The following SGCZ variants were observed in gnomAD, a reference collection of about 807,000 sequenced individuals.
The protein encoded by SGCZ is sarcoglycan zeta.
In SGCZ, 40 loss-of-function variants were observed where a neutral mutation model predicts 41.3. The observed-to-expected ratio is 0.97, with a 90% CI of 0.75 to 1.26. The LOEUF is 1.26. SGCZ is among the 50% of genes most tolerant of loss of function. The pLI, the probability that SGCZ is intolerant of heterozygous loss-of-function variation, is 0.00. For missense variants in SGCZ, 552 were observed against 369.8 expected (o/e 1.49, Z -4.04); for synonymous variants, 206 against 137.5 (o/e 1.50, Z -3.49).
At chr8:14,172,886 G>A (rs1163316249) in intron 4 of SGCZ, among the ~76,000 whole-genome samples, 2 of 152,076 alleles carry the variant, frequency 1.3e-5, no homozygotes, top group Admixed American at 6.6e-5. Context: ...TACATGGACA[G>A]GATGATACCA....
At chr8:14,425,402 C>A (rs1799751854) in intron 2 of SGCZ, among the ~76,000 whole-genome samples, 1 of 152,058 alleles carries the variant, frequency 6.6e-6, no homozygotes, top group African/African-American at 2.4e-5. Context: ...AGGTGGATCA[C>A]CTGAGGTCAG....
At chr8:14,509,221 T>G (rs1205110497) in intron 2 of SGCZ, among the ~76,000 whole-genome samples, 1 of 152,174 alleles carries the variant, frequency 6.6e-6, no homozygotes, top group East Asian at 1.9e-4. Context: ...AGGAAATTGA[T>G]TATTTCCAAT....
chr8:14,263,713 G>T (rs56304123), intron 3 of SGCZ, among the ~76,000 whole-genome samples: 48,220 of 151,858 alleles, frequency 0.32, 7,916 homozygotes, highest in South Asian at 0.47. Flanking sequence ...CCTCACAAGA[G>T]CTTAAAATAC....
chr8:14,763,917 A>G (rs1219702035), intron 1 of SGCZ, among the ~76,000 whole-genome samples: 1 of 152,226 alleles, frequency 6.6e-6, no homozygotes, highest in Non-Finnish European at 1.5e-5. Flanking sequence ...GGAAACGAGA[A>G]GGAACTGTGT....
At chr8:14,545,764 A>G (rs1803607595) in intron 2 of SGCZ, among the ~76,000 whole-genome samples, 1 of 152,164 alleles carries the variant, frequency 6.6e-6, no homozygotes, top group Non-Finnish European at 1.5e-5. Context: ...TATCAAACCT[A>G]TCAACTAACA....
chr8:15,170,366 A>AT (rs1452196447), intron 1 of SGCZ, among the ~76,000 whole-genome samples: 1 of 151,878 alleles, frequency 6.6e-6, no homozygotes, highest in East Asian at 1.9e-4. Context: ...CCAAAGATAT[A>AT]AAAAAAAAAG....
At chr8:14,788,310 C>A (rs1229893710) in intron 1 of SGCZ, among the ~76,000 whole-genome samples, 8 of 152,114 alleles carry the variant, frequency 5.3e-5, no homozygotes, top group African/African-American at 1.9e-4. Flanking sequence ...GGGCACTGAA[C>A]AATGTGTGTT....
At chr8:14,401,281 TA>T (rs1168673234) in intron 2 of SGCZ, among the ~76,000 whole-genome samples, 1 of 143,244 alleles carries the variant, frequency 7.0e-6, no homozygotes, top group Non-Finnish European at 1.6e-5. Context: ...TATTTTTATT[TA>T]TTTTTTTTTC....
intron 1 of SGCZ, among the ~76,000 whole-genome samples, chr8:14,767,716 A>AT (rs1800086091): frequency 5.9e-5 from 9 of 152,230 alleles, no homozygotes; most frequent in Non-Finnish European, 2.9e-5. Context: ...CAGTGCCAAC[A>AT]GGTGGTCCTG....
intron 1 of SGCZ, among the ~76,000 whole-genome samples, chr8:14,850,259 T>A (rs978277505): frequency 5.9e-5 from 9 of 152,198 alleles, no homozygotes; most frequent in Non-Finnish European, 1.3e-4. Flanking sequence ...AGTTAAAATA[T>A]GCATGCACTG....
At chr8:14,662,872 G>C (rs765453529) in intron 1 of SGCZ, among the ~76,000 whole-genome samples, 1 of 152,226 alleles carries the variant, frequency 6.6e-6, no homozygotes, top group Non-Finnish European at 1.5e-5. Context: ...AGAGTTTGAA[G>C]GTGGAGGAAA....
At chr8:14,527,592 C>T (rs776484824) in intron 2 of SGCZ, among the ~76,000 whole-genome samples, 2 of 152,072 alleles carry the variant, frequency 1.3e-5, no homozygotes, top group Non-Finnish European at 2.9e-5. Flanking sequence ...GCCATGATGT[C>T]ATTGTCATTA....
At chr8:14,550,306 G>A (rs984974743) in intron 2 of SGCZ, among the ~76,000 whole-genome samples, 33 of 150,216 alleles carry the variant, frequency 2.2e-4, no homozygotes, top group African/African-American at 8.0e-4. Context: ...GCATATACAT[G>A]CATACAAATA....
At chr8:14,285,851 ATTAC>A (rs1049901796) in intron 3 of SGCZ, among the ~76,000 whole-genome samples, 3 of 152,144 alleles carry the variant, frequency 2.0e-5, no homozygotes, top group Admixed American at 1.3e-4. Context: ...AGGGGTTTGT[ATTAC>A]TTACATATGA....
At chr8:14,541,385 C>G (rs1803462530) in intron 2 of SGCZ, among the ~76,000 whole-genome samples, 1 of 151,938 alleles carries the variant, frequency 6.6e-6, no homozygotes, top group Non-Finnish European at 1.5e-5. Context: ...CGAGTGAGAA[C>G]ATGAGGGGTT....
chr8:14,326,752 G>A (rs892274953), intron 2 of SGCZ, among the ~76,000 whole-genome samples: 1 of 152,134 alleles, frequency 6.6e-6, no homozygotes, highest in Non-Finnish European at 1.5e-5. Flanking sequence ...GTTTCTCTGA[G>A]AAAGGGCTGA....
At chr8:14,277,983 C>T (rs745911908) in intron 3 of SGCZ, among the ~76,000 whole-genome samples, 3 of 152,132 alleles carry the variant, frequency 2.0e-5, no homozygotes, top group Non-Finnish European at 4.4e-5. Context: ...TTTATCTACT[C>T]TTCTGAGGGC....
chr8:14,435,320 G>A (rs981783238), intron 2 of SGCZ, among the ~76,000 whole-genome samples: 1 of 151,936 alleles, frequency 6.6e-6, no homozygotes, highest in Non-Finnish European at 1.5e-5. Context: ...CATCATTTAG[G>A]GTTCATTTCA....
intron 1 of SGCZ, among the ~76,000 whole-genome samples, chr8:15,021,126 C>A (rs1283461864): frequency 6.6e-6 from 1 of 152,118 alleles, no homozygotes; most frequent in African/African-American, 2.4e-5. Context: ...TATTTTATTT[C>A]TAAAATTATC....
Sources: allele counts gnomAD v4.1 joint callset (sites outside exome capture counted in the v4.1 genomes callset), GRCh38; gene constraint gnomAD v4.1.1; transcripts MANE v1.5; gene names NCBI Gene and HGNC (gene_info 2026-07-23, HGNC 2026-07-21).